RBMS3: variants seen among roughly 807,000 people sequenced by gnomAD.
RBMS3 encodes RNA-binding motif, single-stranded-interacting protein 3.
In RBMS3, 27 loss-of-function variants were observed where a neutral mutation model predicts 66.8. The observed-to-expected ratio is 0.40, with a 90% CI of 0.30 to 0.56. The LOEUF (loss-of-function observed/expected upper bound fraction) is 0.56. RBMS3 is among the 20% of genes least tolerant of loss of function. RBMS3 has a pLI of 0.40. For synonymous variants in RBMS3, 188 were observed against 183.0 expected (o/e 1.03, Z -0.22); for missense variants, 513 against 549.5 (o/e 0.93, Z 0.66).
rs188006086 is a variant in RBMS3 at position 29,716,127 on chromosome 3, A to G, written c.400-23593A>G. Among the ~76,000 whole-genome samples, 89 of 152,288 alleles carry G rather than the reference A, an allele frequency of 5.8e-4. 1 individual carries two copies. Among genetic ancestry groups the G allele is most frequent in the Admixed American group, 1.0e-3 (16 of 15,288 alleles). The stretch of plus-strand genomic sequence containing the variant: ...TGTGAGGAAAACGGAACTTTTACAT[A>G]TTGTTGATAGAGGTATAAATTTGTA... On this transcript the variant is annotated intron_variant, in intron 4 of 14. Transcript: ENST00000383767.
intron 7 of RBMS3, among the ~76,000 whole-genome samples, chr3:29,878,372 C>G (rs1440579443): frequency 6.6e-6 from 1 of 152,074 alleles, no homozygotes; most frequent in Non-Finnish European, 1.5e-5. Context: ...CTTTTAGTAT[C>G]ACATAGGAGA....
chr3:29,936,053 A>G (rs1305270090), intron 10 of RBMS3, 33 bp from the exon 11 acceptor site: 2 of 1,529,652 alleles, frequency 1.3e-6, no homozygotes, highest in South Asian at 2.3e-5. Flanking sequence ...CTTGTAGGAT[A>G]TATTTTCAAA....
intron 2 of RBMS3, among the ~76,000 whole-genome samples, chr3:29,483,873 C>T (rs939427357): frequency 7.2e-5 from 11 of 152,032 alleles, no homozygotes; most frequent in African/African-American, 2.4e-4. Flanking sequence ...AGGTATTAGC[C>T]CGAAATAGTA....
intron 2 of RBMS3, among the ~76,000 whole-genome samples, chr3:29,445,521 G>T (rs930129792): frequency 6.6e-6 from 1 of 151,984 alleles, no homozygotes; most frequent in African/African-American, 2.4e-5. Context: ...AAGTAAGTTG[G>T]ACTCGTTGAA....
intron 2 of RBMS3, 100 bp downstream of exon 2, chr3:29,435,015 C>A: frequency 8.2e-7 from 1 of 1,212,398 alleles, no homozygotes; most frequent in Non-Finnish European, 1.1e-6. Flanking sequence ...ACTGGTGTCT[C>A]AGTGAGGAAG....
intron 7 of RBMS3, among the ~76,000 whole-genome samples, chr3:29,880,599 A>G (rs2059713122): frequency 6.6e-6 from 1 of 152,200 alleles, no homozygotes; most frequent in Admixed American, 6.5e-5. Context: ...TTATGACTCA[A>G]CAATCTATTA....
At chr3:29,608,729 A>C (rs2048393766) in intron 4 of RBMS3, among the ~76,000 whole-genome samples, 1 of 152,058 alleles carries the variant, frequency 6.6e-6, no homozygotes, top group African/African-American at 2.4e-5. Context: ...GCTTAGGGAA[A>C]GTATAGCTTA....
intron 12 of RBMS3, among the ~76,000 whole-genome samples, 168 bp downstream of exon 12, chr3:29,944,422 T>A (rs1241707278): frequency 6.6e-6 from 1 of 151,654 alleles, no homozygotes; most frequent in Non-Finnish European, 1.5e-5. Context: ...AAACTTAATA[T>A]TATAATTCAG....
intron 1 of RBMS3, among the ~76,000 whole-genome samples, chr3:29,378,850 T>A (rs199874682): frequency 2.2e-5 from 2 of 92,972 alleles, no homozygotes; most frequent in East Asian, 1.3e-3. Context: ...AACAAAAAAA[T>A]ATATAAAACC....
At chr3:29,709,376 G>A (rs2053054854) in intron 4 of RBMS3, among the ~76,000 whole-genome samples, 1 of 152,206 alleles carries the variant, frequency 6.6e-6, no homozygotes, top group Non-Finnish European at 1.5e-5. Flanking sequence ...ATGAGTCTAA[G>A]AAAAGTCCCA....
intron 2 of RBMS3, among the ~76,000 whole-genome samples, chr3:29,478,334 T>C (rs971813605): frequency 6.6e-6 from 1 of 152,116 alleles, no homozygotes; most frequent in Non-Finnish European, 1.5e-5. Context: ...AGCTGGTTCA[T>C]TGTCTAATGA....
intron 4 of RBMS3, among the ~76,000 whole-genome samples, chr3:29,659,818 A>ACAG (rs1409489150): frequency 6.6e-6 from 1 of 152,126 alleles, no homozygotes; most frequent in East Asian, 1.9e-4. Flanking sequence ...ATTGTTTTTT[A>ACAG]CAGCAGCTGT....
chr3:29,552,992 C>G (rs2046228094), intron 3 of RBMS3, among the ~76,000 whole-genome samples: 1 of 152,136 alleles, frequency 6.6e-6, no homozygotes, highest in Non-Finnish European at 1.5e-5. Context: ...ACTTACTACT[C>G]TAATCTCAGT....
chr3:29,819,683 T>A (rs767438769), intron 6 of RBMS3, among the ~76,000 whole-genome samples: 3 of 152,206 alleles, frequency 2.0e-5, no homozygotes, highest in Non-Finnish European at 4.4e-5. Context: ...GTTCTTCAAC[T>A]TCTCTTTCTG....
chr3:29,415,114 T>A (rs780979969), intron 1 of RBMS3, among the ~76,000 whole-genome samples: 7 of 152,200 alleles, frequency 4.6e-5, no homozygotes, highest in Non-Finnish European at 8.8e-5. Context: ...GCACATTTTT[T>A]AAAATATGAA....
intron 4 of RBMS3, among the ~76,000 whole-genome samples, chr3:29,640,400 G>T (rs1333403468): frequency 6.6e-6 from 1 of 151,724 alleles, no homozygotes; most frequent in Non-Finnish European, 1.5e-5. Flanking sequence ...TTAAGCTTCG[G>T]GGATCATTCT....
At chr3:29,949,562 T>C (rs1378256727) in intron 12 of RBMS3, among the ~76,000 whole-genome samples, 1 of 151,810 alleles carries the variant, frequency 6.6e-6, no homozygotes, top group East Asian at 1.9e-4. Flanking sequence ...ACATCTGAAG[T>C]GACCTTCCCT....
rs533429130 is a variant in RBMS3, at chr3:29,946,039, T to C, written c.1098+1785T>C. Among the ~76,000 whole-genome samples the C allele has an allele frequency of 3.3e-5, 5 of 151,858 alleles. No individual in the cohort carries two copies. In the South Asian group the frequency reaches 1.0e-3, roughly 31 times the overall value. ...GGAGTATGAAGGAAGGGACCCAATATAGAGTTAATATGAAAAATAACATTT... is the reference window on the plus strand; with the variant it reads ...GGAGTATGAAGGAAGGGACCCAATACAGAGTTAATATGAAAAATAACATTT... On this transcript the variant is annotated intron_variant, in intron 12 of 14. Transcript: ENST00000383767.
At chr3:29,967,517 G>C (rs1184965236) in intron 12 of RBMS3, among the ~76,000 whole-genome samples, 2 of 152,046 alleles carry the variant, frequency 1.3e-5, no homozygotes, top group Non-Finnish European at 2.9e-5. Flanking sequence ...GGATGGTCTT[G>C]ATCTCCTGAC....
Sources: allele counts gnomAD v4.1 joint callset (sites outside exome capture counted in the v4.1 genomes callset), GRCh38; gene constraint gnomAD v4.1.1; transcripts MANE v1.5; gene names NCBI Gene and HGNC (gene_info 2026-07-23, HGNC 2026-07-21).